Variants in CEP290 observed in about 807,000 individuals in gnomAD.
The protein encoded by CEP290 is centrosomal protein 290.
A neutral mutation model predicts 344.9 loss-of-function variants in CEP290; 317 were observed. The ratio of observed to expected loss-of-function variants is 0.92; its 90% CI spans 0.84 to 1.01. CEP290 has a LOEUF of 1.01. Among genes scored for constraint, CEP290 ranks in the 50% least tolerant of loss-of-function variants. CEP290 has a pLI of 0.00. For synonymous variants in CEP290, 932 were observed against 895.8 expected, an observed-to-expected ratio of 1.04 and a Z score of -0.72; for missense variants, 2,754 against 2,761.4, an observed-to-expected ratio of 1.00 and a Z score of 0.06.
At chr12:88,078,616 T>C (rs1471179417) in intron 39 of CEP290, among the ~76,000 whole-genome samples, 1 of 152,096 alleles carries the variant, frequency 6.6e-6, no homozygotes, top group Non-Finnish European at 1.5e-5. Context: ...TATACATTTG[T>C]CTAAACACAC....
At position 88,068,518 on chromosome 12, in the gene CEP290, T is replaced by C. The variant is rs775542126; in HGVS notation, c.6135+4A>G. On this transcript the variant is annotated splice_donor_region_variant and intron_variant, in intron 44 of 53. Transcript: ENST00000552810. ...GAAAAAAATAATAAAAGATATACAC[T>C]TACTGAAGGCTTAGAATATGTATCC... 3.3e-6 allele frequency: 5 copies of C among 1,493,736 alleles called. No individual in the cohort carries two copies. Among genetic ancestry groups the C allele is most frequent in the Non-Finnish European group, 4.5e-6 (5 of 1,117,400 alleles). The allele number at this position is 1,493,736 out of a possible 1,614,324, so 92.5% of individuals were successfully genotyped here. A position where few individuals can be genotyped will look rare whatever the true frequency, so the allele number is the denominator to read the frequency against.
intron 41 of CEP290, among the ~76,000 whole-genome samples, chr12:88,074,299 T>G (rs1456874288): frequency 6.6e-6 from 1 of 152,190 alleles, no homozygotes; most frequent in Non-Finnish European, 1.5e-5. Flanking sequence ...TGTACAAGAA[T>G]TTTTCTGTAC....
intron 19 of CEP290, 89 bp from the exon 20 acceptor site, chr12:88,114,651 C>A: frequency 9.5e-7 from 1 of 1,055,938 alleles, no homozygotes; most frequent in Non-Finnish European, 1.3e-6. Flanking sequence ...TCACATATAC[C>A]AAAGACATCA....
chr12:88,139,450 AATTC>A (rs1327558867), intron 4 of CEP290, 41 bp downstream of exon 4: 12 of 1,334,794 alleles, frequency 9.0e-6, no homozygotes, highest in Admixed American at 3.7e-5. Flanking sequence ...GAACAAATGG[AATTC>A]ATTATTTAAT....
At chr12:88,093,269 A>G (rs1418220617) in intron 28 of CEP290, among the ~76,000 whole-genome samples, 2 of 152,126 alleles carry the variant, frequency 1.3e-5, no homozygotes, top group Non-Finnish European at 2.9e-5. Flanking sequence ...AGGTAAGCAA[A>G]CACTGTAAGA....
chr12:88,092,679 A>G lies in CEP290; in HGVS notation c.3461+2T>C. On this transcript the variant is annotated splice_donor_variant, in intron 29 of 53. Transcript: ENST00000552810. LOFTEE classifies it high-confidence loss of function. Reference sequence around the variant, plus strand: ...ATGGCTAAAATGCTTATATGCACTTACTTTGACACTTCAACTTTTAGTTCC... The same window carrying G: ...ATGGCTAAAATGCTTATATGCACTTGCTTTGACACTTCAACTTTTAGTTCC... 1 of 1,607,614 alleles carries G rather than the reference A, an allele frequency of 6.2e-7. No individual in the cohort carries two copies. The highest frequency in any genetic ancestry group is 8.5e-7 in the Non-Finnish European group (1 of 1,177,550).
chr12:88,088,018 ATT>A, intron 31 of CEP290, 74 bp from the exon 32 acceptor site: 1 of 586,624 alleles, frequency 1.7e-6, no homozygotes, highest in Non-Finnish European at 2.6e-6. Context: ...GATGATAATG[ATT>A]TTAATTGAAA....
chr12:88,101,677 T>C (rs1354609334), intron 26 of CEP290, among the ~76,000 whole-genome samples: 2 of 140,498 alleles, frequency 1.4e-5, no homozygotes, highest in Non-Finnish European at 3.1e-5. Context: ...AAAAAAAAAA[T>C]CTTTAGGAAA....
At chr12:88,118,862 T>TA (rs1171979120) in intron 15 of CEP290, 119 bp from the exon 16 acceptor site, 2 of 582,132 alleles carry the variant, frequency 3.4e-6, no homozygotes, top group African/African-American at 3.8e-5. Flanking sequence ...AAGAATGAGG[T>TA]AACTTTCTGT....
intron 32 of CEP290, 42 bp downstream of exon 32, chr12:88,087,738 A>G: frequency 1.2e-6 from 1 of 829,216 alleles, no homozygotes; most frequent in Non-Finnish European, 1.6e-6. Flanking sequence ...AAAAAAAAAA[A>G]AAAAACTTAG....
chr12:88,093,815 C>T lies in CEP290; in HGVS notation c.3264G>A (p.Lys1088=). The change falls in exon 28 of 54, where the codon AAG becomes AAA. Residue 1088 remains lysine, a synonymous_variant. Transcript: ENST00000552810. ...ATTCAAAATTACGTTCCTCCATTTGCTTTAACGAAGTCCGTAAGTGTTCAT... is the reference window on the plus strand; with the variant it reads ...ATTCAAAATTACGTTCCTCCATTTGTTTTAACGAAGTCCGTAAGTGTTCAT... ...KMYEHLRTSL[K]QMEERNFELE... 1.9e-6 allele frequency: 3 copies of T among 1,612,212 alleles called. No individual in the cohort carries two copies. The highest frequency in any genetic ancestry group is 4.5e-5 in the East Asian group (2 of 44,814).
intron 12 of CEP290, 126 bp from the exon 13 acceptor site, chr12:88,125,495 C>T (rs567925289): frequency 5.3e-6 from 2 of 379,026 alleles, no homozygotes; most frequent in East Asian, 4.4e-5. Flanking sequence ...TACAAGTATG[C>T]CTTTTACCAT....
rs1402813853 is a variant in CEP290, at chr12:88,053,562, G to C, written c.7129+90C>G. On this transcript the variant is annotated intron_variant, in intron 52 of 53. Coordinates refer to ENST00000552810, the MANE Select transcript of CEP290 (RefSeq NM_025114.4). ...GAATTCGATTTTACAGGGAGACAAT[G>C]ATCAGAAATCTGAGCCAAAAAAAAA... 3 of 642,336 alleles carry C rather than the reference G, an allele frequency of 4.7e-6. No individual in the cohort carries two copies. In the African/African-American group the frequency reaches 5.7e-5, roughly 12 times the overall value. 39.8% of individuals were successfully genotyped at this position (642,336 alleles called of 1,614,324 possible).
At chr12:88,114,623 A>G in intron 19 of CEP290, 61 bp from the exon 20 acceptor site, 1 of 1,292,118 alleles carries the variant, frequency 7.7e-7, no homozygotes, top group Non-Finnish European at 1.0e-6. Flanking sequence ...ACACTATGCT[A>G]TACAGATGAC....
intron 26 of CEP290, among the ~76,000 whole-genome samples, chr12:88,098,298 C>A: frequency 7.1e-6 from 1 of 140,334 alleles, no homozygotes; most frequent in African/African-American, 2.7e-5. Flanking sequence ...GAGCAAAACT[C>A]CATCTCAAAA....
rs1364454411 is a variant in CEP290, at chr12:88,053,697, T to G, written c.7084A>C (p.Ile2362Leu). 1 of 1,555,168 alleles carries G rather than the reference T, an allele frequency of 6.4e-7. No individual in the cohort carries two copies. The highest frequency in any genetic ancestry group is 8.7e-7 in the Non-Finnish European group (1 of 1,147,510). Residue 2362 changes from isoleucine to leucine, a missense_variant, in exon 52 of 54, where the codon ATA becomes CTA. Physicochemically the swap from Ile to Leu is conservative, Grantham distance 5. Coordinates refer to ENST00000552810, the MANE Select transcript of CEP290 (RefSeq NM_025114.4). ...CCACTTTGGTCCTTGTTAGCTTCTA[T>G]CTGATGGATTAATTCTGCTTTCTCT... ...DKEKAELIHQ[I>L]EANKDQSGAE... is the part of the protein sequence containing the mutation.
chr12:88,078,897 C>G (rs1255648143), intron 39 of CEP290, among the ~76,000 whole-genome samples, 195 bp downstream of exon 39: 1 of 151,818 alleles, frequency 6.6e-6, no homozygotes, highest in Non-Finnish European at 1.5e-5. Flanking sequence ...TTTCCTAATC[C>G]CCAAGATGAT....
chr12:88,140,338 C>T (rs891715880), intron 3 of CEP290, among the ~76,000 whole-genome samples: 2 of 152,118 alleles, frequency 1.3e-5, no homozygotes, highest in African/African-American at 4.8e-5. Flanking sequence ...TTGTACCTAT[C>T]AATTGTGTTT....
intron 14 of CEP290, among the ~76,000 whole-genome samples, chr12:88,120,481 A>G (rs940462233): frequency 4.6e-5 from 7 of 152,216 alleles, no homozygotes; most frequent in Admixed American, 2.6e-4. Context: ...ACTTTCCAGT[A>G]TAATATCCTA....
Sources: allele counts gnomAD v4.1 joint callset (sites outside exome capture counted in the v4.1 genomes callset), GRCh38; gene constraint gnomAD v4.1.1; transcripts MANE v1.5; gene names NCBI Gene and HGNC (gene_info 2026-07-23, HGNC 2026-07-21).